CFAP57: variants seen among roughly 807,000 people sequenced by gnomAD.
CFAP57 encodes cilia- and flagella-associated protein 57.
CFAP57 carries 116 observed loss-of-function variants against 146.8 expected under a neutral mutation model. The observed-to-expected ratio is 0.79, with a 90% CI of 0.68 to 0.92. The LOEUF (loss-of-function observed/expected upper bound fraction) is 0.92, where lower values mean the gene tolerates loss of function less well. CFAP57 is among the 40% of genes least tolerant of loss of function. The probability of loss-of-function intolerance (pLI) is 0.00; values close to 1 mark genes in which losing one functional copy is unlikely to be tolerated. For missense variants in CFAP57, 1,377 were observed against 1,527.2 expected (o/e 0.90, Z 1.64); for synonymous variants, 518 against 552.8 (o/e 0.94, Z 0.88).
At chr1:43,237,062 G>A (rs1645733867) in intron 21 of CFAP57, among the ~76,000 whole-genome samples, 1 of 152,148 alleles carries the variant, frequency 6.6e-6, no homozygotes, top group African/African-American at 2.4e-5. Context: ...GGAGGGTGGA[G>A]GGTGGATGGC....
intron 6 of CFAP57, among the ~76,000 whole-genome samples, chr1:43,194,496 T>G (rs1643738621): frequency 6.6e-6 from 1 of 152,172 alleles, no homozygotes; most frequent in African/African-American, 2.4e-5. Context: ...CCCAATAAAT[T>G]TATAATATTT....
At chr1:43,192,994 T>C (rs576223343) in intron 6 of CFAP57, among the ~76,000 whole-genome samples, 6 of 152,312 alleles carry the variant, frequency 3.9e-5, no homozygotes, top group African/African-American at 1.4e-4. Flanking sequence ...TTGAGCTGTC[T>C]ATTTTCCCCT....
In CFAP57 at chr1:43,198,557, G is replaced by C; in HGVS notation, c.1339G>C (p.Val447Leu). 2.5e-6 allele frequency: 4 copies of C among 1,614,088 alleles called. No homozygotes were observed. The highest frequency in any genetic ancestry group is 3.4e-6 in the Non-Finnish European group (4 of 1,179,990). ...TCATCCATCTGGACACTTCATTGTAGTAGGGTTTGCTGACAAACTACGCCT... is the reference window on the plus strand; with the variant it reads ...TCATCCATCTGGACACTTCATTGTACTAGGGTTTGCTGACAAACTACGCCT... ...SLHPSGHFIV[V>L]GFADKLRLMN... is the part of the protein sequence containing the mutation. Residue 447 changes from valine to leucine, a missense_variant, in exon 8 of 23, where the codon GTA (valine) becomes CTA (leucine). Physicochemically the swap from Val to Leu is conservative, Grantham distance 32 (BLOSUM62 1). Coordinates refer to ENST00000372492, the MANE Select transcript of CFAP57 (RefSeq NM_001378189.1).
chr1:43,223,090 A>G (rs1570214239), intron 16 of CFAP57, 93 bp downstream of exon 16: 1 of 1,377,182 alleles, frequency 7.3e-7, no homozygotes, highest in African/African-American at 1.5e-5. Context: ...GGTGCTGGCC[A>G]GGGTCCTGCC....
intron 9 of CFAP57, among the ~76,000 whole-genome samples, chr1:43,205,598 A>G (rs1644325858): frequency 1.3e-5 from 2 of 152,222 alleles, no homozygotes; most frequent in African/African-American, 4.8e-5. Context: ...ATTAGGGCAC[A>G]GTTATTCTCA....
chr1:43,223,680 CTTTCTGTGACCT>C (rs1645137967), intron 16 of CFAP57, among the ~76,000 whole-genome samples: 1 of 152,174 alleles, frequency 6.6e-6, no homozygotes, highest in Non-Finnish European at 1.5e-5. Flanking sequence ...TTAGGGCCCA[CTTTCTGTGACCT>C]TGATGCAGTG....
At chr1:43,248,138 C>CAAAAAAA (rs35277187) in intron 22 of CFAP57, among the ~76,000 whole-genome samples, 1 of 54,804 alleles carries the variant, frequency 1.8e-5, no homozygotes, top group African/African-American at 7.5e-5. Flanking sequence ...GACTCTGTCT[C>CAAAAAAA]AAAAAAAAAA....
chr1:43,234,660 C>G (rs1188945081), intron 21 of CFAP57, 22 bp downstream of exon 21: 1 of 1,534,874 alleles, frequency 6.5e-7, no homozygotes, highest in Admixed American at 2.0e-5. Flanking sequence ...CTCCCCTCAG[C>G]CCCTGTGGAG....
chr1:43,225,310 C>T (rs895557831), intron 17 of CFAP57, among the ~76,000 whole-genome samples: 15 of 152,182 alleles, frequency 9.9e-5, no homozygotes, highest in Admixed American at 3.9e-4. Context: ...GGGGTCAGCA[C>T]GCTCTTTCTG....
In CFAP57 at chr1:43,190,420, G is replaced by A. The variant is rs540068873; in HGVS notation, c.1122+3561G>A. On this transcript the variant is annotated intron_variant, in intron 6 of 22. Transcript: ENST00000372492. ...CGAGTAGCTGGAGCTACAGGCGCCC[G>A]CCACCATGCCCAGCTAATTTTTTGT... Among the ~76,000 whole-genome samples the A allele has an allele frequency of 3.9e-5, 6 of 152,010 alleles. No homozygotes were observed. The East Asian group carries it at 9.7e-4, about 25-fold the overall frequency.
chr1:43,204,709 T>A (rs1644284066), intron 9 of CFAP57, among the ~76,000 whole-genome samples: 1 of 152,070 alleles, frequency 6.6e-6, no homozygotes, highest in African/African-American at 2.4e-5. Context: ...GACAATTAGG[T>A]TTTTACCTTT....
rs1383479936 is a variant in CFAP57 at position 43,234,375 on chromosome 1, C to T, written c.3223C>T (p.Arg1075Ter). The change falls in exon 20 of 23, where the codon CGA becomes TGA. Residue 1075 changes from arginine to a stop codon, truncating the protein, a stop_gained. Transcript: ENST00000372492. LOFTEE classifies it high-confidence loss of function. ...ACCGCGGCTGCTGAAGGAGAAGGTTCGAGGTCTCTTTGAGAAGTACGTGCA... is the reference window on the plus strand; with the variant it reads ...ACCGCGGCTGCTGAAGGAGAAGGTTTGAGGTCTCTTTGAGAAGTACGTGCA... ...QEPRLLKEKV[R>*]GLFEKYVQRA... The T allele has an allele frequency of 1.4e-5, 21 of 1,550,260 alleles. No individual in the cohort carries two copies. Among genetic ancestry groups the T allele is most frequent in the Admixed American group, 3.9e-5 (2 of 50,954 alleles).
intron 19 of CFAP57, among the ~76,000 whole-genome samples, 195 bp from the exon 20 acceptor site, chr1:43,234,084 A>C (rs985678394): frequency 4.6e-5 from 7 of 152,144 alleles, no homozygotes; most frequent in African/African-American, 1.7e-4. Flanking sequence ...GCAGGTGCAC[A>C]AGACTTTTCG....
At chr1:43,210,492 TAAAA>T in intron 11 of CFAP57, 1 of 902,996 alleles carries the variant, frequency 1.1e-6, no homozygotes, top group Non-Finnish European at 1.4e-6. Flanking sequence ...ATACCCTGCC[TAAAA>T]AGGAAGGGAA....
At chr1:43,250,620 T>A (rs117253202) in intron 22 of CFAP57, among the ~76,000 whole-genome samples, 1 of 152,148 alleles carries the variant, frequency 6.6e-6, no homozygotes, top group East Asian at 1.9e-4. Context: ...ACCAAAACAC[T>A]ATCCAACTGC....
At chr1:43,210,224 A>C (rs1335731126) in intron 11 of CFAP57, 3 of 1,503,366 alleles carry the variant, frequency 2.0e-6, no homozygotes, top group Non-Finnish European at 2.7e-6. Context: ...GCTGCACTTG[A>C]CCACAGCTGC....
chr1:43,173,168 C>T (rs1003198743), intron 2 of CFAP57, among the ~76,000 whole-genome samples: 2 of 151,898 alleles, frequency 1.3e-5, no homozygotes, highest in Non-Finnish European at 2.9e-5. Context: ...TGTTAAGAAC[C>T]CCTCTTTTGG....
intron 11 of CFAP57, among the ~76,000 whole-genome samples, chr1:43,214,305 C>T (rs961648030): frequency 6.6e-6 from 1 of 152,206 alleles, no homozygotes; most frequent in Admixed American, 6.5e-5. Context: ...CAAATATTTT[C>T]TCCCATTCGA....
chr1:43,223,216 C>A (rs941906033), intron 16 of CFAP57, among the ~76,000 whole-genome samples: 3 of 152,222 alleles, frequency 2.0e-5, no homozygotes, highest in African/African-American at 7.2e-5. Flanking sequence ...TCCCTGCTCT[C>A]CTTTTCACAG....
Sources: allele counts gnomAD v4.1 joint callset (sites outside exome capture counted in the v4.1 genomes callset), GRCh38; gene constraint gnomAD v4.1.1; transcripts MANE v1.5; gene names NCBI Gene and HGNC (gene_info 2026-07-23, HGNC 2026-07-21).